Variants in PAK3 observed in about 807,000 individuals in gnomAD.
PAK3 encodes p21 (RAC1) activated kinase 3.
In PAK3, 4 loss-of-function variants were observed where a neutral mutation model predicts 41.0. The ratio of observed to expected loss-of-function variants is 0.10; its 90% CI spans 0.05 to 0.22. The LOEUF (loss-of-function observed/expected upper bound fraction) is 0.22. Among genes scored for constraint, PAK3 ranks in the 10% least tolerant of loss-of-function variants. The pLI is 1.00. For missense variants in PAK3, 205 were observed against 409.9 expected (o/e 0.50, Z 4.32); for synonymous variants, 146 against 139.6 (o/e 1.05, Z -0.32).
intron 1 of PAK3, among the ~76,000 whole-genome samples, chrX:111,058,811 G>A (rs1011426020): frequency 4.5e-5 from 5 of 111,670 alleles, no homozygotes; most frequent in African/African-American, 1.6e-4. Flanking sequence ...TTACATTTAG[G>A]TCTTTGACCA....
intron 1 of PAK3, among the ~76,000 whole-genome samples, chrX:111,014,572 C>G (rs756225867): frequency 9.0e-6 from 1 of 111,237 alleles, no homozygotes; most frequent in South Asian, 3.9e-4. Flanking sequence ...CTGCACTAAC[C>G]TGGCCCTAAA....
intron 11 of PAK3, among the ~76,000 whole-genome samples, chrX:111,177,623 G>A (rs771685688): frequency 1.8e-4 from 20 of 111,566 alleles, no homozygotes; most frequent in South Asian, 7.4e-4. Flanking sequence ...AAATATATCC[G>A]GTGCGCACTT....
intron 17 of PAK3, among the ~76,000 whole-genome samples, chrX:111,220,110 G>C (rs1445622389): frequency 1.8e-5 from 2 of 111,304 alleles, no homozygotes; most frequent in Non-Finnish European, 3.8e-5. Context: ...TCAGACTGTT[G>C]CAAACACAGT....
At chrX:111,077,024 C>CA (rs915012879) in intron 1 of PAK3, among the ~76,000 whole-genome samples, 3 of 110,935 alleles carry the variant, frequency 2.7e-5, no homozygotes, top group Admixed American at 9.6e-5. Context: ...TATCCCCCCC[C>CA]AAAAAATCAA....
intron 11 of PAK3, among the ~76,000 whole-genome samples, chrX:111,188,818 A>G (rs2094536299): frequency 8.9e-6 from 1 of 112,647 alleles, no homozygotes; most frequent in South Asian, 3.7e-4. Context: ...TGAAATAGGA[A>G]CTATTATCTC....
At chrX:111,126,006 A>T (rs1204958678) in intron 5 of PAK3, among the ~76,000 whole-genome samples, 1 of 111,758 alleles carries the variant, frequency 8.9e-6, no homozygotes, top group East Asian at 2.8e-4. Flanking sequence ...TGCTTGATAG[A>T]AATAAAGCCT....
upstream of PAK3, among the ~76,000 whole-genome samples, chrX:111,095,767 A>T (rs771879761): frequency 9.0e-6 from 1 of 111,581 alleles, no homozygotes; most frequent in South Asian, 3.9e-4. Flanking sequence ...GTGGTGTCCC[A>T]AATCGAAACC....
At chrX:111,046,370 A>G (rs910984316) in intron 1 of PAK3, among the ~76,000 whole-genome samples, 2 of 111,828 alleles carry the variant, frequency 1.8e-5, no homozygotes, top group South Asian at 3.8e-4. Flanking sequence ...GTCAAACAAG[A>G]GTATGACTTA....
chrX:111,203,187 T>A (rs1191947816), intron 16 of PAK3, among the ~76,000 whole-genome samples: 1 of 111,765 alleles, frequency 8.9e-6, no homozygotes, highest in African/African-American at 3.3e-5. Context: ...TTGAACATGG[T>A]CGTCCAACCA....
At position 111,166,823 on chromosome X, in the gene PAK3, G is replaced by A. The variant is rs144100338; in HGVS notation, c.766+3096G>A. ...CAGCAGTATCAGGCACATCATAGGGGCTCAATAAGTGGTAATTGTTATTAC... is the reference window on the plus strand; with the variant it reads ...CAGCAGTATCAGGCACATCATAGGGACTCAATAAGTGGTAATTGTTATTAC... On this transcript the variant is annotated intron_variant, in intron 10 of 17. Transcript: ENST00000372007. 4.2e-3 allele frequency among the ~76,000 whole-genome samples: 471 copies of A among 111,708 alleles called. 1 individual carries two copies. Among genetic ancestry groups the A allele is most frequent in the Non-Finnish European group, 7.1e-3 (378 of 53,082 alleles).
At chrX:111,162,106 G>C (rs906888764) in intron 8 of PAK3, among the ~76,000 whole-genome samples, 1 of 111,431 alleles carries the variant, frequency 9.0e-6, no homozygotes, top group Non-Finnish European at 1.9e-5. Flanking sequence ...TTTCTAACAA[G>C]TTCCTTAATG....
intron 1 of PAK3, among the ~76,000 whole-genome samples, chrX:111,013,010 G>A (rs1024394772): frequency 1.7e-4 from 19 of 111,965 alleles, no homozygotes; most frequent in African/African-American, 5.5e-4. Flanking sequence ...GCCGAAGCAA[G>A]CCTCCCACCT....
At chrX:111,047,010 G>A (rs2092505887) in intron 1 of PAK3, among the ~76,000 whole-genome samples, 1 of 111,975 alleles carries the variant, frequency 8.9e-6, no homozygotes, top group African/African-American at 3.3e-5. Context: ...AGTACTCCCA[G>A]TGGATGAGAG....
chrX:110,994,391 A>G (rs1428869609), intron 1 of PAK3, among the ~76,000 whole-genome samples: 1 of 111,319 alleles, frequency 9.0e-6, no homozygotes. Flanking sequence ...CTTTTAGAGG[A>G]TCAAGGCACC....
intron 1 of PAK3, among the ~76,000 whole-genome samples, chrX:111,049,733 G>A (rs1383861197): frequency 3.6e-5 from 4 of 112,178 alleles, no homozygotes; most frequent in African/African-American, 9.7e-5. Context: ...AAAAAGAAAT[G>A]AAAGAATAAG....
At chrX:111,076,181 G>T (rs946548235) in intron 1 of PAK3, among the ~76,000 whole-genome samples, 24 of 111,414 alleles carry the variant, frequency 2.2e-4, no homozygotes, top group African/African-American at 7.9e-4. Flanking sequence ...CTATTGCAAA[G>T]GCATGATTGT....
Position 111,070,549 on chromosome X carries a change from A to G in PAK3, c.-27-52528A>G, listed in dbSNP as rs190347612. 3.6e-5 allele frequency among the ~76,000 whole-genome samples: 4 copies of G among 112,156 alleles called. No homozygotes were observed. In the East Asian group the frequency reaches 1.1e-3, roughly 32 times the overall value. On this transcript the variant is annotated intron_variant, in intron 1 of 14. Transcript: ENST00000425146. ...AGAAGGCTTCTTTGACTGCAAAAGT[A>G]TCTGAAACGAAGGGTAAGGCCTTTG...
intron 5 of PAK3, among the ~76,000 whole-genome samples, chrX:111,131,645 G>A (rs2093719906): frequency 9.0e-6 from 1 of 111,522 alleles, no homozygotes. Flanking sequence ...ATCTCTCCCT[G>A]TGTACAGGGA....
At chrX:110,976,690 C>T (rs180759433) in intron 1 of PAK3, among the ~76,000 whole-genome samples, 4 of 111,777 alleles carry the variant, frequency 3.6e-5, no homozygotes. Context: ...TTCACAATAG[C>T]AAAGACTTGG....
Sources: allele counts gnomAD v4.1 joint callset (sites outside exome capture counted in the v4.1 genomes callset), GRCh38; gene constraint gnomAD v4.1.1; transcripts MANE v1.5; gene names NCBI Gene and HGNC (gene_info 2026-07-23, HGNC 2026-07-21).